ZC3H12B: variants seen among roughly 807,000 people sequenced by gnomAD.
The protein encoded by ZC3H12B is zinc finger CCCH-type containing 12B.
A neutral mutation model predicts 43.9 loss-of-function variants in ZC3H12B; 7 were observed. That is an observed-to-expected ratio of 0.16 (90% CI 0.09 to 0.30). The LOEUF (loss-of-function observed/expected upper bound fraction) is 0.30, where lower values mean the gene tolerates loss of function less well. Among genes scored for constraint, ZC3H12B ranks in the 10% least tolerant of loss-of-function variants. The pLI, the probability that ZC3H12B is intolerant of heterozygous loss-of-function variation, is 1.00. For synonymous variants in ZC3H12B, 222 were observed against 241.7 expected, an observed-to-expected ratio of 0.92 and a Z score of 0.76; for missense variants, 475 against 670.2, an observed-to-expected ratio of 0.71 and a Z score of 3.22.
At chrX:65,411,170 G>A (rs760358235) in intron 3 of ZC3H12B, among the ~76,000 whole-genome samples, 17 of 112,035 alleles carry the variant, frequency 1.5e-4, no homozygotes, top group Non-Finnish European at 2.8e-4. Flanking sequence ...TATGGAACTG[G>A]AGATTATTAT....
At chrX:65,190,637 T>C in the ZC3H12B span, among the ~76,000 whole-genome samples, 6 of 108,494 alleles carry the variant, frequency 5.5e-5, no homozygotes, top group African/African-American at 1.7e-4. Context: ...GTGATTTTTG[T>C]ACATTGATTT....
chrX:65,065,798 CT>C, the ZC3H12B span, among the ~76,000 whole-genome samples: 3 of 108,901 alleles, frequency 2.8e-5, no homozygotes, highest in Non-Finnish European at 5.7e-5. Context: ...TAGATTTGGT[CT>C]TTTTACATAG....
the ZC3H12B span, among the ~76,000 whole-genome samples, chrX:65,253,427 G>A: frequency 1.8e-5 from 2 of 112,370 alleles, no homozygotes; most frequent in African/African-American, 6.5e-5. Context: ...TGCTTAGACA[G>A]TTGATAGGGG....
chrX:65,330,785 G>A, the ZC3H12B span: 5 of 153,167 alleles, frequency 3.3e-5, no homozygotes, highest in Non-Finnish European at 5.2e-5. Context: ...GCTTTTTGAT[G>A]TGTTGCTGGA....
At chrX:65,163,282 C>T in the ZC3H12B span, among the ~76,000 whole-genome samples, 1 of 111,379 alleles carries the variant, frequency 9.0e-6, no homozygotes, top group South Asian at 3.8e-4. Context: ...GATGGGAGAA[C>T]CACTGCTGTC....
the ZC3H12B span, among the ~76,000 whole-genome samples, chrX:65,284,251 C>CACA: frequency 2.3e-3 from 156 of 67,924 alleles, no homozygotes; most frequent in African/African-American, 7.0e-3. Flanking sequence ...CACACACACA[C>CACA]AAAAAAAAAA....
At chrX:65,212,168 A>AC in the ZC3H12B span, among the ~76,000 whole-genome samples, 3 of 50,952 alleles carry the variant, frequency 5.9e-5, no homozygotes, top group African/African-American at 2.4e-4. Context: ...TATATAATAT[A>AC]TAATATTATA....
the ZC3H12B span, among the ~76,000 whole-genome samples, chrX:65,212,745 G>T: frequency 1.3e-4 from 12 of 92,043 alleles, no homozygotes; most frequent in East Asian, 3.2e-3. Flanking sequence ...ATATATATAT[G>T]TTTCTCTTAA....
intron 3 of ZC3H12B, among the ~76,000 whole-genome samples, chrX:65,474,711 A>G (rs937277682): frequency 1.3e-4 from 14 of 111,188 alleles, no homozygotes; most frequent in Admixed American, 2.9e-4. Context: ...CCTGGGCTTA[A>G]GTGATTCTCA....
chrX:65,250,556 G>A, the ZC3H12B span, among the ~76,000 whole-genome samples: 3 of 111,788 alleles, frequency 2.7e-5, no homozygotes, highest in Non-Finnish European at 5.6e-5. Context: ...CCTACCAATG[G>A]CATAAAAGTG....
At chrX:65,101,553 G>A in the ZC3H12B span, among the ~76,000 whole-genome samples, 1 of 111,805 alleles carries the variant, frequency 8.9e-6, no homozygotes, top group East Asian at 2.8e-4. Flanking sequence ...AAATGTTAAA[G>A]GGGACATCAC....
rs747150206 is a variant in ZC3H12B, at chrX:65,408,287, T to C, written n.407+9583T>C. On this transcript the variant is annotated intron_variant and non_coding_transcript_variant, in intron 3 of 5. Transcript: ENST00000617377. ...CTATGTGATGTATTACGAAATGCCATATGGATTAAACATTGAAATGCACAA... is the reference window on the plus strand; with the variant it reads ...CTATGTGATGTATTACGAAATGCCACATGGATTAAACATTGAAATGCACAA... The C allele has an allele frequency of 6.6e-5, 78 of 1,175,429 alleles. No homozygotes were observed. In the African/African-American group the frequency reaches 1.0e-3, roughly 16 times the overall value.
the ZC3H12B span, among the ~76,000 whole-genome samples, chrX:65,038,849 T>C: frequency 9.0e-6 from 1 of 111,662 alleles, no homozygotes. Flanking sequence ...AAATACGTAG[T>C]TTTAAAAGAA....
the ZC3H12B span, among the ~76,000 whole-genome samples, chrX:65,081,059 C>G: frequency 9.2e-6 from 1 of 108,151 alleles, no homozygotes; most frequent in Non-Finnish European, 1.9e-5. Flanking sequence ...AAGTAGTTAT[C>G]AGGTTAGAAT....
At chrX:65,330,033 C>T in the ZC3H12B span, among the ~76,000 whole-genome samples, 1 of 111,803 alleles carries the variant, frequency 8.9e-6, no homozygotes, top group Non-Finnish European at 1.9e-5. Context: ...GCAATGCGGG[C>T]TCTTTTTTGG....
the ZC3H12B span, among the ~76,000 whole-genome samples, chrX:65,265,681 C>G: frequency 9.0e-6 from 1 of 111,536 alleles, no homozygotes; most frequent in Non-Finnish European, 1.9e-5. Flanking sequence ...ATTTTAATGT[C>G]GAAGATATTA....
the ZC3H12B span, among the ~76,000 whole-genome samples, chrX:65,257,570 G>T: frequency 3.6e-5 from 4 of 110,359 alleles, no homozygotes; most frequent in Non-Finnish European, 7.6e-5. Flanking sequence ...CCTGCACATT[G>T]TGCACATGTA....
chrX:65,040,336 T>A, the ZC3H12B span, among the ~76,000 whole-genome samples: 1 of 110,190 alleles, frequency 9.1e-6, no homozygotes, highest in South Asian at 3.9e-4. Context: ...TATATTCTGT[T>A]TCTCTTCCTG....
the ZC3H12B span, among the ~76,000 whole-genome samples, chrX:65,209,775 C>T: frequency 1.9e-5 from 2 of 104,778 alleles, no homozygotes; most frequent in South Asian, 8.7e-4. Flanking sequence ...ATATCTACAA[C>T]TATCTGATCT....
Sources: allele counts gnomAD v4.1 joint callset (sites outside exome capture counted in the v4.1 genomes callset), GRCh38; gene constraint gnomAD v4.1.1; transcripts MANE v1.5; gene names NCBI Gene and HGNC (gene_info 2026-07-23, HGNC 2026-07-21).